DCAF6: variants seen among roughly 807,000 people sequenced by gnomAD.
DCAF6 encodes the protein DDB1 and CUL4 associated factor 6.
DCAF6 carries 54 observed loss-of-function variants against 125.1 expected under a neutral mutation model. That is an observed-to-expected ratio of 0.43 (90% CI 0.35 to 0.54). The LOEUF is 0.54. Among genes scored for constraint, DCAF6 ranks in the 20% least tolerant of loss-of-function variants. The probability of loss-of-function intolerance (pLI) is 0.01; values close to 1 mark genes in which losing one functional copy is unlikely to be tolerated. For synonymous variants in DCAF6, 371 were observed against 390.4 expected, an observed-to-expected ratio of 0.95 and a Z score of 0.58; for missense variants, 934 against 1,161.7, an observed-to-expected ratio of 0.80 and a Z score of 2.85.
intron 11 of DCAF6, among the ~76,000 whole-genome samples, chr1:168,020,879 C>G (rs3767466): frequency 0.15 from 22,100 of 151,860 alleles, 1,956 homozygotes; most frequent in South Asian, 0.24. Flanking sequence ...GTTGTGTGTT[C>G]CCAAGATTAC....
intron 5 of DCAF6, 106 bp downstream of exon 5, chr1:167,987,714 G>A: frequency 1.7e-6 from 1 of 591,980 alleles, no homozygotes; most frequent in Non-Finnish European, 2.9e-6. Context: ...AGTAAGTTAT[G>A]TGGATGGTAA....
At position 168,055,047 on chromosome 1, in the gene DCAF6, G is replaced by C. The variant is rs191557526; in HGVS notation, c.2300+4114G>C. Reference sequence around the variant, plus strand: ...ATATACTGAAGAACAGTGGTATTCAGAATTATAATGAGCATTTCCAATGAA... The same window carrying C: ...ATATACTGAAGAACAGTGGTATTCACAATTATAATGAGCATTTCCAATGAA... On this transcript the variant is annotated intron_variant, in intron 17 of 21. Coordinates refer to ENST00000367840, the MANE Select transcript of DCAF6 (RefSeq NM_001198956.2). 3.1e-4 allele frequency among the ~76,000 whole-genome samples: 47 copies of C among 152,094 alleles called. No homozygotes were observed. The East Asian group carries it at 7.5e-3, about 24-fold the overall frequency.
the DCAF6 span, among the ~76,000 whole-genome samples, chr1:167,895,368 AATGT>A: frequency 8.6e-5 from 13 of 152,044 alleles, no homozygotes; most frequent in African/African-American, 2.9e-4. Flanking sequence ...TTTCCTGATC[AATGT>A]TTGTACAGTC....
upstream of DCAF6, chr1:167,936,580 G>A: frequency 3.3e-6 from 1 of 306,162 alleles, no homozygotes; most frequent in Non-Finnish European, 6.2e-6. Context: ...AAGGGTTGGC[G>A]GGGAGGGTAT....
At chr1:167,924,461 G>A in the DCAF6 span, 1 of 1,561,680 alleles carries the variant, frequency 6.4e-7, no homozygotes, top group Non-Finnish European at 8.7e-7. Context: ...TAAGGAATTT[G>A]TCTTTCAGTA....
chr1:168,038,791 A>G (rs1279076865), intron 13 of DCAF6, among the ~76,000 whole-genome samples: 3 of 152,026 alleles, frequency 2.0e-5, no homozygotes, highest in Admixed American at 6.6e-5. Context: ...AATACTAATA[A>G]TAATAATTAA....
At chr1:167,910,722 C>G in the DCAF6 span, among the ~76,000 whole-genome samples, 1 of 152,120 alleles carries the variant, frequency 6.6e-6, no homozygotes, top group African/African-American at 2.4e-5. Flanking sequence ...GAAGTGGCTT[C>G]CACAGATGTG....
chr1:167,920,158 A>G, the DCAF6 span: 1 of 961,756 alleles, frequency 1.0e-6, no homozygotes, highest in Non-Finnish European at 1.6e-6. Context: ...AATACTTAAT[A>G]TTGAGTAAAG....
intron 4 of DCAF6, 57 bp downstream of exon 4, chr1:167,975,072 GTACA>G (rs1234369045): frequency 2.1e-5 from 24 of 1,153,552 alleles, no homozygotes; most frequent in African/African-American, 6.4e-5. Flanking sequence ...TTTTGATTAA[GTACA>G]TACATGTGTA....
At chr1:167,870,144 A>C in the DCAF6 span, 1 of 1,204,866 alleles carries the variant, frequency 8.3e-7, no homozygotes, top group Non-Finnish European at 1.2e-6. Flanking sequence ...ATGGCATCCA[A>C]TAATTGTAGG....
At chr1:168,045,558 T>A (rs141032990) in intron 16 of DCAF6, among the ~76,000 whole-genome samples, 1,526 of 152,322 alleles carry the variant, frequency 0.01, 19 homozygotes, top group Non-Finnish European at 0.015. Context: ...GCTCTCAGAT[T>A]ATCTTGTAGA....
At chr1:167,956,240 T>C (rs1442157541) in intron 2 of DCAF6, among the ~76,000 whole-genome samples, 1 of 151,868 alleles carries the variant, frequency 6.6e-6, no homozygotes, top group Non-Finnish European at 1.5e-5. Context: ...TATAATTCCA[T>C]TTATTTAGTA....
the DCAF6 span, among the ~76,000 whole-genome samples, chr1:167,923,452 CA>C: frequency 2.6e-5 from 4 of 152,042 alleles, no homozygotes; most frequent in Admixed American, 2.6e-4. Flanking sequence ...TACAAAAAGA[CA>C]AATACATTTT....
chr1:167,959,332 A>G (rs925604217), intron 2 of DCAF6, among the ~76,000 whole-genome samples: 7 of 152,210 alleles, frequency 4.6e-5, no homozygotes, highest in South Asian at 2.1e-4. Flanking sequence ...TAAAGTTGCC[A>G]TAAACGTTTG....
chr1:167,968,757 A>T (rs1375489202), intron 3 of DCAF6, among the ~76,000 whole-genome samples: 2 of 152,248 alleles, frequency 1.3e-5, no homozygotes, highest in African/African-American at 4.8e-5. Context: ...TTCCTGCATT[A>T]TTCTTTCAGT....
At chr1:167,994,993 A>G (rs1008059685) in intron 7 of DCAF6, among the ~76,000 whole-genome samples, 1 of 151,370 alleles carries the variant, frequency 6.6e-6, no homozygotes, top group African/African-American at 2.5e-5. Context: ...ATATACTTTG[A>G]GATTTTTATC....
Position 168,075,506 on chromosome 1 carries a change from C to T in DCAF6, c.*71C>T, listed in dbSNP as rs2102057005. On this transcript the variant is annotated 3_prime_UTR_variant, in exon 22 of 22. Transcript: ENST00000367840. The stretch of plus-strand genomic sequence containing the variant: ...GACATTTATTATATTTTTTTCTTTA[C>T]AGAGCTTTAGTGCAATTTTAAGGTT... 2 of 1,375,466 alleles carry T rather than the reference C, an allele frequency of 1.5e-6. No homozygotes were observed. Among genetic ancestry groups the T allele is most frequent in the Non-Finnish European group, 2.0e-6 (2 of 1,022,338 alleles). The allele number at this position is 1,375,466 out of a possible 1,614,324, so 85.2% of individuals were successfully genotyped here. A position where few individuals can be genotyped will look rare whatever the true frequency, so the allele number is the denominator to read the frequency against.
the DCAF6 span, among the ~76,000 whole-genome samples, chr1:167,868,714 T>C: frequency 1.8e-4 from 27 of 152,374 alleles, no homozygotes; most frequent in East Asian, 5.2e-3. Flanking sequence ...TCCCTGTCTA[T>C]GCTTTCCGCG....
the DCAF6 span, among the ~76,000 whole-genome samples, chr1:167,895,347 G>A: frequency 6.6e-6 from 1 of 152,134 alleles, no homozygotes; most frequent in Admixed American, 6.5e-5. Context: ...GAGCTTCTGA[G>A]GTTCTTGGCC....
Sources: gnomAD v4.1 joint callset for allele counts (sites outside exome capture counted in the v4.1 genomes callset) on GRCh38, gnomAD v4.1.1 for gene constraint, MANE v1.5 for transcripts, NCBI Gene and HGNC (gene_info 2026-07-23, HGNC 2026-07-21) for gene names.